The following METAP1D variants were observed in gnomAD, a reference collection of about 807,000 sequenced individuals.
METAP1D encodes methionine aminopeptidase 1D, mitochondrial.
In METAP1D, 31 loss-of-function variants were observed where a neutral mutation model predicts 40.5. The observed-to-expected ratio is 0.77, with a 90% CI of 0.58 to 1.03. The LOEUF (loss-of-function observed/expected upper bound fraction) is 1.03. Among genes scored for constraint, METAP1D ranks in the 50% least tolerant of loss-of-function variants. The probability of loss-of-function intolerance (pLI) is 0.00; values close to 1 mark genes in which losing one functional copy is unlikely to be tolerated. For synonymous variants in METAP1D, 151 were observed against 146.4 expected, an observed-to-expected ratio of 1.03 and a Z score of -0.22; for missense variants, 411 against 420.7, an observed-to-expected ratio of 0.98 and a Z score of 0.20.
Position 172,041,323 on chromosome 2 carries a change from G to A in METAP1D, c.41-20175G>A, listed in dbSNP as rs1190447353. ...AAAATACAAAAATTAGCTGGGCGTG[G>A]TGGTGTGCACCTATAGTCCCAGCTA... is the stretch of plus-strand genomic sequence containing the variant. On this transcript the variant is annotated intron_variant, in intron 1 of 9. Coordinates refer to ENST00000315796, the MANE Select transcript of METAP1D (RefSeq NM_199227.3). Among the ~76,000 whole-genome samples the A allele has an allele frequency of 1.4e-5, 2 of 139,584 alleles. 1 individual carries two copies. The highest frequency in any genetic ancestry group is 3.3e-5 in the Non-Finnish European group (2 of 60,858). The allele number at this position is 139,584 out of a possible 152,430, so 91.6% of individuals were successfully genotyped here.
At chr2:172,076,803 T>G (rs561129107) in intron 6 of METAP1D, among the ~76,000 whole-genome samples, 3 of 152,266 alleles carry the variant, frequency 2.0e-5, no homozygotes, top group Non-Finnish European at 4.4e-5. Flanking sequence ...GTTCTGTTAA[T>G]AATTGAAATA....
chr2:172,080,519 T>C lies in METAP1D; in HGVS notation c.*113T>C. 9.0e-7 allele frequency: 1 copy of C among 1,116,424 alleles called. No individual in the cohort carries two copies. The highest frequency in any genetic ancestry group is 1.3e-6 in the Non-Finnish European group (1 of 753,454). The allele number at this position is 1,116,424 out of a possible 1,614,324, so 69.2% of individuals were successfully genotyped here. On this transcript the variant is annotated 3_prime_UTR_variant, in exon 10 of 10. Coordinates refer to ENST00000315796, the MANE Select transcript of METAP1D (RefSeq NM_199227.3). ...ATGACCGGTGGTGCGGTAACCTGCG[T>C]GGCTCCTGATAGCGTTTGGAAGAAC... is the stretch of plus-strand genomic sequence containing the variant.
chr2:172,004,480 T>C (rs1688534774), intron 1 of METAP1D, among the ~76,000 whole-genome samples: 1 of 152,022 alleles, frequency 6.6e-6, no homozygotes, highest in African/African-American at 2.4e-5. Context: ...TCCGCCGCCA[T>C]GCCCGGCTAA....
Position 172,028,248 on chromosome 2 carries a change from G to A in METAP1D, c.40+28239G>A, listed in dbSNP as rs552026136. 2.6e-5 allele frequency among the ~76,000 whole-genome samples: 4 copies of A among 152,326 alleles called. No homozygotes were observed. The South Asian group carries it at 8.3e-4, about 32-fold the overall frequency. ...GCTCAAAGGCCATGAATGGGCCAGT[G>A]ATGTGAGAACTTGGTGAAAGAGCAA... On this transcript the variant is annotated intron_variant, in intron 1 of 9. Transcript: ENST00000315796.
intron 1 of METAP1D, among the ~76,000 whole-genome samples, chr2:172,015,842 C>G (rs772700408): frequency 2.0e-5 from 3 of 151,802 alleles, no homozygotes; most frequent in Non-Finnish European, 2.9e-5. Flanking sequence ...GTGCATGTAG[C>G]TACTCGGGAG....
At chr2:172,062,503 A>C (rs1241764420) in intron 2 of METAP1D, among the ~76,000 whole-genome samples, 1 of 152,230 alleles carries the variant, frequency 6.6e-6, no homozygotes, top group Non-Finnish European at 1.5e-5. Flanking sequence ...GGTGAGGTGA[A>C]TTGTATTGCT....
intron 3 of METAP1D, among the ~76,000 whole-genome samples, chr2:172,065,173 G>A (rs10497378): frequency 0.17 from 25,186 of 152,060 alleles, 2,256 homozygotes; most frequent in African/African-American, 0.23. Context: ...AAAAAGATGC[G>A]AGTTGACCTA....
rs570222126 is a variant in METAP1D at position 172,043,020 on chromosome 2, CAT to C, written c.41-18473_41-18472del. Among the ~76,000 whole-genome samples, 12 of 76,174 alleles carry C rather than the reference CAT, an allele frequency of 1.6e-4. 3 individuals are homozygous for C. Among genetic ancestry groups the C allele is most frequent in the Non-Finnish European group, 3.4e-4 (9 of 26,222 alleles). The allele number at this position is 76,174 out of a possible 152,430, so 50.0% of individuals were successfully genotyped here. A position where few individuals can be genotyped will look rare whatever the true frequency, so the allele number is the denominator to read the frequency against. On this transcript the variant is annotated intron_variant, in intron 1 of 9. Coordinates refer to ENST00000315796, the MANE Select transcript of METAP1D (RefSeq NM_199227.3). ...GTACACATATATGTGTATGTGTACACATATATGTGTATATGTGTACACGTGTA... is the reference window on the plus strand; with the variant it reads ...GTACACATATATGTGTATGTGTACACATATGTGTATATGTGTACACGTGTA...
intron 1 of METAP1D, among the ~76,000 whole-genome samples, chr2:172,036,441 A>G (rs555926517): frequency 9.5e-5 from 14 of 147,934 alleles, no homozygotes; most frequent in African/African-American, 3.0e-4. Flanking sequence ...TCTTGGCTCA[A>G]TGCAAGCTCC....
At chr2:172,006,843 G>A (rs1471549800) in intron 1 of METAP1D, among the ~76,000 whole-genome samples, 1 of 152,126 alleles carries the variant, frequency 6.6e-6, no homozygotes, top group Non-Finnish European at 1.5e-5. Flanking sequence ...TTATTTTGAA[G>A]CACATTCCAG....
At position 172,044,933 on chromosome 2, in the gene METAP1D, G is replaced by A. The variant is rs955519823; in HGVS notation, c.41-16565G>A. On this transcript the variant is annotated intron_variant, in intron 1 of 9. Coordinates refer to ENST00000315796, the MANE Select transcript of METAP1D (RefSeq NM_199227.3). ...ATAAATCAGGTGAAAAACAACCCAA[G>A]AGACCTAATAGGAGACTTCACAAAA... Among the ~76,000 whole-genome samples the A allele has an allele frequency of 1.5e-4, 20 of 131,330 alleles. 4 individuals are homozygous for A. Among genetic ancestry groups the A allele is most frequent in the Admixed American group, 3.8e-4 (5 of 13,246 alleles). The allele number at this position is 131,330 out of a possible 152,430, so 86.2% of individuals were successfully genotyped here. A position where few individuals can be genotyped will look rare whatever the true frequency, so the allele number is the denominator to read the frequency against.
intron 5 of METAP1D, among the ~76,000 whole-genome samples, chr2:172,069,618 A>T (rs964225819): frequency 5.3e-5 from 8 of 152,216 alleles, no homozygotes; most frequent in African/African-American, 1.7e-4. Flanking sequence ...AGTGTATAAA[A>T]TAAAAACTCA....
intron 1 of METAP1D, among the ~76,000 whole-genome samples, chr2:172,025,305 T>A (rs995467994): frequency 6.6e-6 from 1 of 152,134 alleles, no homozygotes; most frequent in Non-Finnish European, 1.5e-5. Context: ...AGAATTTTTT[T>A]AGCTTTTTGT....
intron 1 of METAP1D, among the ~76,000 whole-genome samples, chr2:172,047,624 C>T (rs933504040): frequency 6.6e-6 from 1 of 152,134 alleles, no homozygotes; most frequent in African/African-American, 2.4e-5. Context: ...CATAGAGATG[C>T]GGTTTCACCA....
intron 1 of METAP1D, among the ~76,000 whole-genome samples, chr2:172,045,834 T>TATATATATATATATAC (rs1689749749): frequency 1.1e-5 from 1 of 88,574 alleles, no homozygotes; most frequent in African/African-American, 4.7e-5. Context: ...TATATATATA[T>TATATATATATATATAC]ATATATATAT....
At chr2:172,079,351 A>G in intron 8 of METAP1D, 89 bp downstream of exon 8, 2 of 1,149,556 alleles carry the variant, frequency 1.7e-6, no homozygotes, top group South Asian at 2.5e-5. Context: ...GTGAAGGACC[A>G]ATAAAGCCAA....
At chr2:172,016,221 A>AGCTGAG (rs376971238) in intron 1 of METAP1D, among the ~76,000 whole-genome samples, 4,240 of 131,528 alleles carry the variant, frequency 0.032, 96 homozygotes, top group Non-Finnish European at 0.049. Flanking sequence ...GGTTGCAGTG[A>AGCTGAG]GCTGAGATCA....
At chr2:172,063,580 G>A in intron 2 of METAP1D, 131 bp from the exon 3 acceptor site, 1 of 716,106 alleles carries the variant, frequency 1.4e-6, no homozygotes, top group South Asian at 1.6e-5. Context: ...AGGGTCTGTT[G>A]TGCTGGCTTC....
At chr2:172,072,334 C>T (rs1374300073) in intron 6 of METAP1D, 2 of 167,140 alleles carry the variant, frequency 1.2e-5, no homozygotes, top group African/African-American at 4.8e-5. Context: ...TGCATTTTAA[C>T]AAAATTTATT....
Sources: allele counts gnomAD v4.1 joint callset (sites outside exome capture counted in the v4.1 genomes callset), GRCh38; gene constraint gnomAD v4.1.1; transcripts MANE v1.5; gene names NCBI Gene and HGNC (gene_info 2026-07-23, HGNC 2026-07-21).